Variants in VGLL4 observed in about 807,000 individuals in gnomAD.
VGLL4 encodes the protein vestigial like family member 4.
VGLL4 carries 7 observed loss-of-function variants against 21.0 expected under a neutral mutation model. The ratio of observed to expected loss-of-function variants is 0.33; its 90% CI spans 0.19 to 0.63. The LOEUF is 0.63. Among genes scored for constraint, VGLL4 ranks in the 20% least tolerant of loss-of-function variants. VGLL4 has a pLI of 0.78. For synonymous variants in VGLL4, 222 were observed against 173.2 expected (o/e 1.28, Z -2.21); for missense variants, 394 against 425.7 (o/e 0.93, Z 0.66).
upstream of VGLL4, among the ~76,000 whole-genome samples, chr3:11,644,137 G>C (rs2075750745): frequency 6.6e-6 from 1 of 152,144 alleles, no homozygotes; most frequent in African/African-American, 2.4e-5. Context: ...AAAACCGTAG[G>C]AGGAAAAAAG....
At chr3:11,564,636 A>C in intron 3 of VGLL4, 161 bp downstream of exon 3, 2 of 782,124 alleles carry the variant, frequency 2.6e-6, no homozygotes, top group Non-Finnish European at 3.9e-6. Flanking sequence ...CCTTGTCCCA[A>C]GTGCACAACA....
rs1011506520 is a variant in VGLL4 at position 11,556,644 on chromosome 3, A to ATGAT, written c.*1908_*1911dup. 6.5e-6 allele frequency: 1 copy of ATGAT among 152,740 alleles called. No individual in the cohort carries two copies. The highest frequency in any genetic ancestry group is 6.5e-5 in the Admixed American group (1 of 15,284). 9.5% of individuals were successfully genotyped at this position (152,740 alleles called of 1,614,324 possible). A position where few individuals can be genotyped will look rare whatever the true frequency, so the allele number is the denominator to read the frequency against. On this transcript the variant is annotated 3_prime_UTR_variant, in exon 5 of 5. Coordinates refer to ENST00000430365, the MANE Select transcript of VGLL4 (RefSeq NM_001128219.3). Reference sequence around the variant, plus strand: ...TTTTTCCGAACAACAAAAAAAATGAATGATTACAATAGGAAAGGGAAAAAT... The same window carrying ATGAT: ...TTTTTCCGAACAACAAAAAAAATGAATGATTGATTACAATAGGAAAGGGAAAAAT...
intron 1 of VGLL4, chr3:11,610,223 G>A (rs2075032159): frequency 6.6e-6 from 1 of 152,154 alleles, no homozygotes; most frequent in Non-Finnish European, 1.5e-5. Context: ...CACTGTGCAG[G>A]GCAGAAGCCC....
chr3:11,564,237 A>G (rs1352611980), intron 3 of VGLL4, among the ~76,000 whole-genome samples: 1 of 152,170 alleles, frequency 6.6e-6, no homozygotes, highest in African/African-American at 2.4e-5. Flanking sequence ...CAATCATTTA[A>G]TTTCCTATTT....
chr3:11,622,717 T>G (rs1255404990), intron 1 of VGLL4, among the ~76,000 whole-genome samples: 1 of 152,262 alleles, frequency 6.6e-6, no homozygotes, highest in African/African-American at 2.4e-5. Flanking sequence ...AGGCCCCTTA[T>G]TCTCTCTGCG....
chr3:11,575,367 A>G (rs2074007226), intron 2 of VGLL4, among the ~76,000 whole-genome samples: 1 of 152,200 alleles, frequency 6.6e-6, no homozygotes, highest in Non-Finnish European at 1.5e-5. Flanking sequence ...TTAAATCAGC[A>G]TAGCCAGCAT....
chr3:11,582,189 C>T lies in VGLL4; in HGVS notation c.273-17170G>A, dbSNP rs982153658. ...CTACCTCTCCCAGCACTTGCTGTCT[C>T]GCAGTTTAAATTAATTACAGCTGAA... is the stretch of plus-strand genomic sequence containing the variant. On this transcript the variant is annotated intron_variant, in intron 2 of 4. Transcript: ENST00000430365. The T allele has an allele frequency of 3.6e-6, 5 of 1,397,758 alleles. No homozygotes were observed. In the South Asian group the frequency reaches 3.7e-5, roughly 10 times the overall value. 86.6% of individuals were successfully genotyped at this position (1,397,758 alleles called of 1,614,324 possible).
rs1193468137 is a variant in VGLL4 at position 11,715,013 on chromosome 3, T to C, written c.-14+5381A>G. Among the ~76,000 whole-genome samples the C allele has an allele frequency of 2.6e-5, 4 of 151,644 alleles. No individual in the cohort carries two copies. In the East Asian group the frequency reaches 7.8e-4, roughly 30 times the overall value. ...AGCCAGGCACGGTGGCGGGCGCCTG[T>C]AGTCCCAGCTACTCGAGAGGCTGAG... On this transcript the variant is annotated intron_variant, in intron 1 of 5. Transcript: ENST00000273038.
At chr3:11,632,282 C>T (rs925792467) in intron 1 of VGLL4, among the ~76,000 whole-genome samples, 6 of 151,770 alleles carry the variant, frequency 4.0e-5, no homozygotes, top group African/African-American at 7.3e-5. Flanking sequence ...CACTGCACTC[C>T]AGCCTGGGTG....
chr3:11,645,081 T>G (rs948595585), upstream of VGLL4, among the ~76,000 whole-genome samples: 2 of 151,694 alleles, frequency 1.3e-5, no homozygotes, highest in African/African-American at 4.8e-5. Flanking sequence ...AAACTTTGAT[T>G]ACCCAGTGCC....
At chr3:11,703,287 A>G (rs1269543092) in intron 1 of VGLL4, among the ~76,000 whole-genome samples, 1 of 152,242 alleles carries the variant, frequency 6.6e-6, no homozygotes, top group East Asian at 1.9e-4. Flanking sequence ...TGTAGGAACT[A>G]AAAGAAGGGA....
chr3:11,640,941 A>T (rs1056530604), intron 1 of VGLL4, among the ~76,000 whole-genome samples: 7 of 152,052 alleles, frequency 4.6e-5, no homozygotes, highest in African/African-American at 1.7e-4. Context: ...AACATGGTGA[A>T]ACCCATCTCT....
At chr3:11,582,255 G>A (rs1392629893) in intron 2 of VGLL4, 2 of 1,603,090 alleles carry the variant, frequency 1.2e-6, no homozygotes, top group East Asian at 2.2e-5. Context: ...CAAGGATAAG[G>A]GAATAAAATG....
Position 11,568,750 on chromosome 3 carries a change from C to A in VGLL4, c.273-3731G>T. ...CGGCAGAAAACCGCACGCATCCTGC[C>A]CGGGAGATGGAAGTCGCCTCCGCTC... On this transcript the variant is annotated intron_variant, in intron 2 of 4. Coordinates refer to ENST00000430365, the MANE Select transcript of VGLL4 (RefSeq NM_001128219.3). This position sits in a 1 kb window ranked among gnomAD's most constrained non-coding sequence, Gnocchi z 5.9. The A allele has an allele frequency of 6.6e-7, 1 of 1,518,470 alleles. No homozygotes were observed. The highest frequency in any genetic ancestry group is 1.3e-5 in the South Asian group (1 of 79,198). 94.1% of individuals were successfully genotyped at this position (1,518,470 alleles called of 1,614,324 possible).
intron 2 of VGLL4, among the ~76,000 whole-genome samples, chr3:11,681,048 G>A (rs904693767): frequency 4.6e-5 from 7 of 151,932 alleles, no homozygotes; most frequent in Non-Finnish European, 7.4e-5. Context: ...GTCCCATGGC[G>A]TTCATAATTG....
intron 2 of VGLL4, among the ~76,000 whole-genome samples, chr3:11,688,517 G>A (rs1020795519): frequency 2.0e-5 from 3 of 152,052 alleles, no homozygotes; most frequent in Non-Finnish European, 2.9e-5. Context: ...TTGGTTACAT[G>A]TGCATATATT....
At chr3:11,718,423 C>T (rs1248563070) in intron 1 of VGLL4, among the ~76,000 whole-genome samples, 3 of 152,090 alleles carry the variant, frequency 2.0e-5, no homozygotes, top group African/African-American at 7.2e-5. Flanking sequence ...CTGCTCCGAC[C>T]CCAAAGGTCT....
intron 4 of VGLL4, 22 bp from the exon 5 acceptor site, chr3:11,558,849 G>A (rs1243588278): frequency 6.2e-7 from 1 of 1,607,770 alleles, no homozygotes; most frequent in East Asian, 2.2e-5. Context: ...CAGGAAGGCA[G>A]GCAGTCAGAC....
intron 1 of VGLL4, among the ~76,000 whole-genome samples, chr3:11,622,790 T>C (rs183133494): frequency 9.2e-5 from 14 of 152,338 alleles, no homozygotes; most frequent in African/African-American, 3.1e-4. Flanking sequence ...CGAGGGATTA[T>C]AGAATTAGCA....
Sources: gnomAD v4.1 joint callset for allele counts (sites outside exome capture counted in the v4.1 genomes callset) on GRCh38, gnomAD v4.1.1 for gene constraint, Gnocchi (gnomAD v3.1) non-coding constraint, MANE v1.5 for transcripts, NCBI Gene and HGNC (gene_info 2026-07-23, HGNC 2026-07-21) for gene names.